Variants in PLXNA4 observed in about 807,000 individuals in gnomAD.
The protein encoded by PLXNA4 is plexin A4.
A neutral mutation model predicts 191.8 loss-of-function variants in PLXNA4; 44 were observed. The observed-to-expected ratio is 0.23, with a 90% CI of 0.18 to 0.29. The LOEUF (loss-of-function observed/expected upper bound fraction) is 0.29. Among genes scored for constraint, PLXNA4 ranks in the 10% least tolerant of loss-of-function variants. PLXNA4 has a pLI of 1.00. For missense variants in PLXNA4, 1,800 were observed against 2,488.8 expected, an observed-to-expected ratio of 0.72 and a Z score of 5.89; for synonymous variants, 1,082 against 1,009.5, an observed-to-expected ratio of 1.07 and a Z score of -1.36.
intron 4 of PLXNA4, among the ~76,000 whole-genome samples, chr7:132,287,997 G>A (rs1317390843): frequency 1.3e-5 from 2 of 152,180 alleles, no homozygotes; most frequent in African/African-American, 4.8e-5. Flanking sequence ...AGAGTGGGGC[G>A]TACCACTTTT....
chr7:132,234,078 A>C (rs1798612915), intron 5 of PLXNA4, among the ~76,000 whole-genome samples: 3 of 151,586 alleles, frequency 2.0e-5, no homozygotes, highest in South Asian at 2.1e-4. Flanking sequence ...GCAGAGCAGG[A>C]GTGGAGGGAG....
chr7:132,353,040 T>A (rs1219500176), intron 3 of PLXNA4, among the ~76,000 whole-genome samples: 1 of 152,230 alleles, frequency 6.6e-6, no homozygotes, highest in Non-Finnish European at 1.5e-5. Context: ...GAACGTCGCC[T>A]GCTCCCACTT....
At chr7:132,398,748 G>A (rs1297524389) in intron 3 of PLXNA4, among the ~76,000 whole-genome samples, 1 of 152,220 alleles carries the variant, frequency 6.6e-6, no homozygotes, top group African/African-American at 2.4e-5. Context: ...GCAGGCTGGT[G>A]GGGACAGATG....
chr7:132,355,582 G>A (rs1309676950), intron 3 of PLXNA4, among the ~76,000 whole-genome samples: 5 of 152,288 alleles, frequency 3.3e-5, no homozygotes, highest in Admixed American at 2.6e-4. Flanking sequence ...CTAACCATGT[G>A]CCTGGCACTG....
intron 4 of PLXNA4, chr7:132,266,253 T>C (rs1446822634): frequency 6.6e-6 from 1 of 152,210 alleles, no homozygotes; most frequent in Non-Finnish European, 1.5e-5. Flanking sequence ...ATGTCCATTT[T>C]TCCAGCCTGC....
chr7:132,311,669 G>A (rs6955858), intron 3 of PLXNA4, among the ~76,000 whole-genome samples: 9,973 of 151,942 alleles, frequency 0.066, 1,122 homozygotes, highest in African/African-American at 0.23. Context: ...TCCCCTCCCC[G>A]TCCCACACAT....
chr7:132,295,944 C>A (rs1160330843), intron 4 of PLXNA4, among the ~76,000 whole-genome samples: 1 of 152,200 alleles, frequency 6.6e-6, no homozygotes, highest in African/African-American at 2.4e-5. Flanking sequence ...AATGCTGAAT[C>A]TTAAGGTTAG....
Position 132,153,156 on chromosome 7 carries a change from T to G in PLXNA4, c.4661-4510A>C, listed in dbSNP as rs547859980. 3.5e-4 allele frequency among the ~76,000 whole-genome samples: 53 copies of G among 152,008 alleles called. 1 individual carries two copies. Among genetic ancestry groups the G allele is most frequent in the Middle Eastern group, 3.4e-3 (1 of 292 alleles). On this transcript the variant is annotated intron_variant, in intron 25 of 31. Transcript: ENST00000321063. The stretch of plus-strand genomic sequence containing the variant: ...TGGGAAAGGGCTGCCCAGGTTAAAT[T>G]GTGAAGGATGAGTAGGCGTTCACTG...
Position 132,145,140 on chromosome 7 carries a change from C to A in PLXNA4, c.5204G>T (p.Arg1735Leu), listed in dbSNP as rs750643189. The stretch of plus-strand genomic sequence containing the variant: ...TCACCAATTGCTCTTCCAGGTATGG[C>A]GGACGTGCGGGTCATGAATGCCATG... ...DKHGIHDPHV[R>L]HTWKSNCLPL... The change falls in exon 29 of 32, where the codon CGC becomes CTC. Residue 1735 changes from arginine to leucine, a missense_variant. By Grantham distance (102) the Arg-to-Leu change is moderately radical. Around this residue, in one of 6 missense-constraint regions of PLXNA4, gnomAD observed 101 missense variants for 182.8 expected, o/e 0.55. Transcript: ENST00000321063. 5.6e-6 allele frequency: 9 copies of A among 1,614,116 alleles called. No homozygotes were observed. Among genetic ancestry groups the A allele is most frequent in the Non-Finnish European group, 7.6e-6 (9 of 1,180,000 alleles).
chr7:132,199,117 G>A (rs1055524818), intron 12 of PLXNA4, among the ~76,000 whole-genome samples: 1 of 152,034 alleles, frequency 6.6e-6, no homozygotes, highest in African/African-American at 2.4e-5. Context: ...TAAATTCCAA[G>A]GTACCTTCTT....
chr7:132,255,914 C>G (rs953016288), intron 4 of PLXNA4, among the ~76,000 whole-genome samples: 3 of 152,270 alleles, frequency 2.0e-5, no homozygotes, highest in African/African-American at 4.8e-5. Context: ...AGACAGGGAA[C>G]ACTTCCAACT....
chr7:132,631,615 G>C (rs1029062094), intron 2 of PLXNA4, among the ~76,000 whole-genome samples: 1 of 152,126 alleles, frequency 6.6e-6, no homozygotes, highest in African/African-American at 2.4e-5. Context: ...CTTTTGCCCT[G>C]AGATTCCAGG....
chr7:132,381,106 A>T (rs1304214507), intron 3 of PLXNA4, among the ~76,000 whole-genome samples: 2 of 152,244 alleles, frequency 1.3e-5, no homozygotes, highest in Admixed American at 1.3e-4. Context: ...TATCTCCAGG[A>T]TTCCAAGCAC....
Position 132,508,168 on chromosome 7 carries a change from A to G in PLXNA4, c.526T>C (p.Tyr176His). 1.9e-6 allele frequency: 3 copies of G among 1,614,198 alleles called. No homozygotes were observed. Among genetic ancestry groups the G allele is most frequent in the Non-Finnish European group, 2.5e-6 (3 of 1,180,022 alleles). Residue 176 changes from tyrosine to histidine, a missense_variant, in exon 2 of 32, where the codon TAC (tyrosine) becomes CAC (histidine). By Grantham distance (83) the Tyr-to-His change is moderately conservative. Coordinates refer to ENST00000321063, the MANE Select transcript of PLXNA4 (RefSeq NM_020911.2). The surrounding 1 kb of genome is among the most constrained non-coding windows in gnomAD (Gnocchi z 4.4). The stretch of plus-strand genomic sequence containing the variant: ...AACAGCTTGTCATCCAGGTTGCTGT[A>G]GGAGACGATCACTCCAAAGACTGAG... ...SGSVFGVIVS[Y>H]SNLDDKLFIA...
At chr7:132,289,873 T>C (rs1334956061) in intron 4 of PLXNA4, among the ~76,000 whole-genome samples, 1 of 152,052 alleles carries the variant, frequency 6.6e-6, no homozygotes, top group Non-Finnish European at 1.5e-5. Context: ...TCTCTCTATG[T>C]TGCCCAGGTT....
intron 20 of PLXNA4, among the ~76,000 whole-genome samples, chr7:132,175,345 T>C (rs1227498569): frequency 6.6e-6 from 1 of 152,016 alleles, no homozygotes; most frequent in East Asian, 1.9e-4. Flanking sequence ...ATGCTGTGTT[T>C]TAGAATAGAT....
At chr7:132,236,074 C>T (rs921429097) in intron 5 of PLXNA4, among the ~76,000 whole-genome samples, 11 of 152,118 alleles carry the variant, frequency 7.2e-5, no homozygotes, top group African/African-American at 2.7e-4. Flanking sequence ...GGTTGGCAGG[C>T]GAGTGCTTCA....
chr7:132,203,215 A>G (rs1376947546), intron 11 of PLXNA4, 108 bp downstream of exon 11: 1 of 975,448 alleles, frequency 1.0e-6, no homozygotes, highest in Non-Finnish European at 1.6e-6. Flanking sequence ...AGGGACAGCC[A>G]CTAGGAGGCG....
At chr7:132,428,442 C>T (rs1044824780) in intron 3 of PLXNA4, among the ~76,000 whole-genome samples, 4 of 152,244 alleles carry the variant, frequency 2.6e-5, no homozygotes, top group African/African-American at 9.6e-5. Context: ...ACCTTGCTCC[C>T]TGTTGGCGCC....
Sources: allele counts gnomAD v4.1 joint callset (sites outside exome capture counted in the v4.1 genomes callset), GRCh38; gene constraint gnomAD v4.1.1; regional missense constraint gnomAD v4.1.1; non-coding constraint Gnocchi (gnomAD v3.1); transcripts MANE v1.5; gene names NCBI Gene and HGNC (gene_info 2026-07-23, HGNC 2026-07-21).